NFILZ: variants seen among roughly 807,000 people sequenced by gnomAD.
The protein encoded by NFILZ is NFIL3 like basic leucine zipper.
At chr19:8,670,523 C>T (rs2043081692) in intron 3 of NFILZ, among the ~76,000 whole-genome samples, 2 of 152,164 alleles carry the variant, frequency 1.3e-5, no homozygotes, top group Admixed American at 6.5e-5. Flanking sequence ...AATGAATGAG[C>T]AGATGAAATA....
intron 5 of NFILZ, among the ~76,000 whole-genome samples, 141 bp downstream of exon 5, chr19:8,676,597 C>T (rs1375408133): frequency 1.3e-5 from 2 of 152,214 alleles, no homozygotes; most frequent in Non-Finnish European, 2.9e-5. Context: ...CACTGGGCAT[C>T]AAACAGATGA....
intron 3 of NFILZ, among the ~76,000 whole-genome samples, chr19:8,673,887 C>A (rs994174692): frequency 1.3e-5 from 2 of 152,308 alleles, no homozygotes; most frequent in Non-Finnish European, 1.5e-5. Flanking sequence ...GTCGCCCAGG[C>A]TGGAGTGCAG....
intron 3 of NFILZ, among the ~76,000 whole-genome samples, chr19:8,648,101 G>C (rs1013871400): frequency 6.7e-6 from 1 of 150,372 alleles, no homozygotes; most frequent in African/African-American, 2.4e-5. Flanking sequence ...GTGAACCTGG[G>C]AGGTGGAGCT....
At chr19:8,663,748 G>GTATGTGTGTGTGTGTGTGTGTGTA (rs1227521950) in intron 3 of NFILZ, among the ~76,000 whole-genome samples, 2 of 139,374 alleles carry the variant, frequency 1.4e-5, no homozygotes, top group Non-Finnish European at 1.5e-5. Flanking sequence ...GTGTGTGTGT[G>GTATGTGTGTGTGTGTGTGTGTGTA]TGTGTGTGTG....
chr19:8,667,069 C>T lies in NFILZ; in HGVS notation c.-163-7482C>T, dbSNP rs537910134. The stretch of plus-strand genomic sequence containing the variant: ...TCGGCTGTTGGCCATCTCTCTCTAC[C>T]CACTGTCCCACCCTGCCCTGTCAGG... On this transcript the variant is annotated intron_variant, in intron 3 of 5. Transcript: ENST00000691075. 3.3e-5 allele frequency among the ~76,000 whole-genome samples: 5 copies of T among 152,078 alleles called. No individual in the cohort carries two copies. The South Asian group carries it at 1.0e-3, about 32-fold the overall frequency.
chr19:8,653,046 CT>C (rs2042976081), intron 3 of NFILZ, among the ~76,000 whole-genome samples: 28 of 50,736 alleles, frequency 5.5e-4, no homozygotes, highest in East Asian at 2.4e-3. Flanking sequence ...CTTTCTCTCT[CT>C]CTCTCTCTCT....
chr19:8,636,337 A>G lies in NFILZ; in HGVS notation c.-164+591A>G, dbSNP rs368190628. On this transcript the variant is annotated intron_variant, in intron 3 of 5. Coordinates refer to ENST00000691075, the MANE Select transcript of NFILZ (RefSeq NM_001378600.1). ...GTGGCACACGCCTGTAGTCCCAGCT[A>G]CTTGGGAGGCTGAGGCAGGAGAAAT... 1.1e-3 allele frequency among the ~76,000 whole-genome samples: 159 copies of G among 150,592 alleles called. 4 individuals carry two copies. The East Asian group carries it at 0.031, about 29-fold the overall frequency.
chr19:8,672,788 C>A (rs1358004769), intron 3 of NFILZ, among the ~76,000 whole-genome samples: 5 of 152,168 alleles, frequency 3.3e-5, no homozygotes, highest in Admixed American at 3.3e-4. Flanking sequence ...AATACTTTTA[C>A]AGGGCCTTCC....
intron 3 of NFILZ, among the ~76,000 whole-genome samples, chr19:8,643,623 G>A (rs1033616969): frequency 1.3e-5 from 2 of 152,160 alleles, no homozygotes; most frequent in African/African-American, 4.8e-5. Context: ...TCAAACTGTG[G>A]AATAGGGACA....
In NFILZ at chr19:8,679,934, C is replaced by T. The variant is rs2967678; in HGVS notation, c.*2299C>T. 0.13 allele frequency among the ~76,000 whole-genome samples: 19,832 copies of T among 152,110 alleles called. 1,708 individuals are homozygous for T. Among genetic ancestry groups the T allele is most frequent in the Admixed American group, 0.21 (3,278 of 15,280 alleles). Reference sequence around the variant, plus strand: ...TCCTGGAGGGCAAGGTGGCTCATGCCTGTAATCCTAGCACTTTGGGAGGCC... The same window carrying T: ...TCCTGGAGGGCAAGGTGGCTCATGCTTGTAATCCTAGCACTTTGGGAGGCC... On this transcript the variant is annotated 3_prime_UTR_variant, in exon 6 of 6. Coordinates refer to ENST00000691075, the MANE Select transcript of NFILZ (RefSeq NM_001378600.1).
At chr19:8,671,832 C>G (rs2043088315) in intron 3 of NFILZ, among the ~76,000 whole-genome samples, 1 of 152,208 alleles carries the variant, frequency 6.6e-6, no homozygotes, top group Middle Eastern at 3.2e-3. Flanking sequence ...CTGATGTCCC[C>G]CCAAGACAGG....
At chr19:8,656,158 C>T (rs1331129443) in intron 3 of NFILZ, among the ~76,000 whole-genome samples, 8 of 123,412 alleles carry the variant, frequency 6.5e-5, no homozygotes, top group African/African-American at 2.2e-4. Context: ...GAAGGCCCTC[C>T]ATAGCCACGT....
chr19:8,652,997 TTC>T lies in NFILZ; in HGVS notation c.-164+17252_-164+17253del, dbSNP rs1175411072. ...CTTCCTTCCTTCCTTCCTTCCTTCCTTCCTTCCTTCCTTCCTTTCTTTCTTTC... is the reference window on the plus strand; with the variant it reads ...CTTCCTTCCTTCCTTCCTTCCTTCCTCTTCCTTCCTTCCTTTCTTTCTTTC... On this transcript the variant is annotated intron_variant, in intron 3 of 5. Coordinates refer to ENST00000691075, the MANE Select transcript of NFILZ (RefSeq NM_001378600.1). Among the ~76,000 whole-genome samples, 104 of 20,686 alleles carry T rather than the reference TTC, an allele frequency of 5.0e-3. 1 individual carries two copies. Among genetic ancestry groups the T allele is most frequent in the Non-Finnish European group, 6.7e-3 (68 of 10,148 alleles). The allele number at this position is 20,686 out of a possible 152,430, so 13.6% of individuals were successfully genotyped here.
In NFILZ at chr19:8,677,011, C is replaced by A. The variant is rs1457711625; in HGVS notation, c.246C>A (p.Ala82=). The A allele has an allele frequency of 6.6e-6, 1 of 152,462 alleles. No individual in the cohort carries two copies. The highest frequency in any genetic ancestry group is 1.5e-5 in the Non-Finnish European group (1 of 68,210). 9.4% of individuals were successfully genotyped at this position (152,462 alleles called of 1,614,324 possible). A position where few individuals can be genotyped will look rare whatever the true frequency, so the allele number is the denominator to read the frequency against. Residue 82 remains alanine (A), a synonymous_variant, in exon 6 of 6, where the codon GCC becomes GCA. Transcript: ENST00000691075. ...TGGCTGCACTGATGGAGGAGAATGC[C>A]CTGCTCAAGGGTGAGCTGAAGGCGC... ...GRLAALMEEN[A]LLKGELKALK... is the part of the protein sequence containing the mutation.
At chr19:8,663,754 G>GTATGTGTGTGTGTATGTGTGTA (rs59267066) in intron 3 of NFILZ, among the ~76,000 whole-genome samples, 4 of 117,542 alleles carry the variant, frequency 3.4e-5, no homozygotes, top group African/African-American at 1.9e-4. Context: ...GTGTGTGTGT[G>GTATGTGTGTGTGTATGTGTGTA]TGTGTGTGTG....
At chr19:8,651,574 C>T (rs1358427994) in intron 3 of NFILZ, among the ~76,000 whole-genome samples, 8 of 152,180 alleles carry the variant, frequency 5.3e-5, no homozygotes, top group Admixed American at 2.0e-4. Context: ...CTCTGTTGCT[C>T]AGGCTGGAGT....
At position 8,678,165 on chromosome 19, in the gene NFILZ, C is replaced by CCTTT; in HGVS notation, c.*531_*532insTTTC. Among the ~76,000 whole-genome samples, 2 of 28,834 alleles carry CCTTT rather than the reference C, an allele frequency of 6.9e-5. No homozygotes were observed. Among genetic ancestry groups the CCTTT allele is most frequent in the African/African-American group, 1.2e-4 (1 of 8,428 alleles). 18.9% of individuals were successfully genotyped at this position (28,834 alleles called of 152,430 possible). A position where few individuals can be genotyped will look rare whatever the true frequency, so the allele number is the denominator to read the frequency against. On this transcript the variant is annotated 3_prime_UTR_variant, in exon 6 of 6. Coordinates refer to ENST00000691075, the MANE Select transcript of NFILZ (RefSeq NM_001378600.1). ...TCCACTTGTCCGTCCATCCATCCATCCATCCATCCATCCATCCATCCATCC... is the reference window on the plus strand; with the variant it reads ...TCCACTTGTCCGTCCATCCATCCATCCTTTCATCCATCCATCCATCCATCCATCC...
At chr19:8,632,246 G>C (rs1306741037) in intron 1 of NFILZ, among the ~76,000 whole-genome samples, 4 of 2,916 alleles carry the variant, frequency 1.4e-3, no homozygotes, top group East Asian at 7.2e-3. Flanking sequence ...CCGCCATACA[G>C]TGTGTGTGTG....
intron 3 of NFILZ, among the ~76,000 whole-genome samples, chr19:8,673,744 C>T (rs1222296182): frequency 6.6e-6 from 1 of 152,118 alleles, no homozygotes; most frequent in Non-Finnish European, 1.5e-5. Context: ...GGAGTCCCTT[C>T]TGTGACTAGG....
Sources: allele counts gnomAD v4.1 joint callset (sites outside exome capture counted in the v4.1 genomes callset), GRCh38; gene constraint gnomAD v4.1.1; transcripts MANE v1.5; gene names NCBI Gene and HGNC (gene_info 2026-07-23, HGNC 2026-07-21).